Variants in ARHGAP8 observed in about 807,000 individuals in gnomAD.
ARHGAP8 encodes the protein Rho GTPase activating protein 8, also known as rho GTPase-activating protein 8.
Under a neutral mutation model 46.1 loss-of-function variants are expected in ARHGAP8, and 62 were observed. The ratio of observed to expected loss-of-function variants is 1.34; its 90% CI spans 1.10 to 1.66. The LOEUF (loss-of-function observed/expected upper bound fraction) is 1.66. Among genes scored for constraint, ARHGAP8 ranks in the 40% most tolerant of loss-of-function variants. ARHGAP8 has a pLI of 0.00. For synonymous variants in ARHGAP8, 375 were observed against 243.1 expected, an observed-to-expected ratio of 1.54 and a Z score of -5.05; for missense variants, 923 against 568.4, an observed-to-expected ratio of 1.62 and a Z score of -6.34.
intron 6 of ARHGAP8, among the ~76,000 whole-genome samples, chr22:44,823,332 G>A (rs115235197): frequency 0.023 from 3,490 of 152,256 alleles, 54 homozygotes; most frequent in South Asian, 0.033. Flanking sequence ...ACTTCTAGGA[G>A]GAGGTAGCTC....
intron 10 of ARHGAP8, 147 bp downstream of exon 10, chr22:44,849,207 G>T: frequency 1.4e-6 from 2 of 1,435,388 alleles, no homozygotes; most frequent in Non-Finnish European, 1.9e-6. Context: ...GGGCAAGAGA[G>T]GGGGTTGTTG....
intron 1 of ARHGAP8, among the ~76,000 whole-genome samples, chr22:44,771,407 C>G (rs986750641): frequency 1.3e-4 from 19 of 151,170 alleles, no homozygotes; most frequent in African/African-American, 3.6e-4. Context: ...CCACCACGCC[C>G]AGCTAATTTT....
At chr22:44,828,451 G>A (rs936582601) in intron 7 of ARHGAP8, among the ~76,000 whole-genome samples, 1 of 46,116 alleles carries the variant, frequency 2.2e-5, no homozygotes, top group Non-Finnish European at 4.7e-5. Flanking sequence ...TTTTTTTTTT[G>A]AGACAATTTT....
intron 5 of ARHGAP8, 74 bp from the exon 6 acceptor site, chr22:44,822,297 C>T: frequency 1.5e-6 from 2 of 1,316,402 alleles, no homozygotes; most frequent in Non-Finnish European, 2.1e-6. Context: ...GCCAACTCCC[C>T]CTCCCTCCCT....
chr22:44,757,536 C>A (rs900851740), intron 1 of ARHGAP8, among the ~76,000 whole-genome samples: 1 of 152,186 alleles, frequency 6.6e-6, no homozygotes, highest in Middle Eastern at 3.2e-3. Flanking sequence ...CTTGGCGTCC[C>A]AAAGTGCTGG....
At chr22:44,783,315 G>T (rs1035538477) in intron 1 of ARHGAP8, among the ~76,000 whole-genome samples, 2 of 151,944 alleles carry the variant, frequency 1.3e-5, no homozygotes, top group African/African-American at 4.8e-5. Context: ...CCCCGCAGCG[G>T]TCCATCCCCG....
chr22:44,859,202 G>A (rs150779523), intron 10 of ARHGAP8, among the ~76,000 whole-genome samples: 1 of 152,118 alleles, frequency 6.6e-6, no homozygotes, highest in South Asian at 2.1e-4. Flanking sequence ...GCTTGGATCT[G>A]AGTCCCCAGC....
In ARHGAP8 at chr22:44,846,715, C is replaced by T. The variant is rs116130378; in HGVS notation, c.671-1258C>T. ...TCTTCACGCCTCCCCATCATTCACT[C>T]ATTCACTTGGGAGGCATTCGCTACG... On this transcript the variant is annotated intron_variant, in intron 8 of 11. Coordinates refer to ENST00000356099, the MANE Select transcript of ARHGAP8 (RefSeq NM_181335.3). Among the ~76,000 whole-genome samples the T allele has an allele frequency of 3.6e-3, 552 of 152,306 alleles. 2 individuals are homozygous for T. Among genetic ancestry groups the T allele is most frequent in the African/African-American group, 0.013 (530 of 41,570 alleles).
chr22:44,776,612 A>G (rs995326397), intron 1 of ARHGAP8, among the ~76,000 whole-genome samples: 1 of 152,112 alleles, frequency 6.6e-6, no homozygotes, highest in Non-Finnish European at 1.5e-5. Flanking sequence ...CCTGGAGTTC[A>G]GATTTTTCAT....
intron 10 of ARHGAP8, among the ~76,000 whole-genome samples, chr22:44,851,244 T>C (rs905571535): frequency 2.0e-5 from 3 of 152,180 alleles, no homozygotes; most frequent in South Asian, 2.1e-4. Flanking sequence ...CAACCCTCTG[T>C]TGGGAAGGAA....
Position 44,822,438 on chromosome 22 carries a change from G to T in ARHGAP8, c.454G>T (p.Asp152Tyr), listed in dbSNP as rs115109750. The change falls in exon 6 of 12, where the codon GAC (aspartate) becomes TAC (tyrosine). Residue 152 changes from aspartate (D) to tyrosine (Y), a missense_variant. By Grantham distance (160) the Asp-to-Tyr change is radical. Coordinates refer to ENST00000356099, the MANE Select transcript of ARHGAP8 (RefSeq NM_181335.3). ...TGAGCTCCACGAACACCTTAAATACGACCAGCTGGTCATCCCTCCCGAAGT... is the reference window on the plus strand; with the variant it reads ...TGAGCTCCACGAACACCTTAAATACTACCAGCTGGTCATCCCTCCCGAAGT... ...LSELHEHLKY[D>Y]QLVIPPEVLR... 3.9e-5 allele frequency: 61 copies of T among 1,564,210 alleles called. No homozygotes were observed. In the African/African-American group the frequency reaches 7.7e-4, roughly 20 times the overall value.
At chr22:44,860,893 C>T (rs1011971945) in intron 11 of ARHGAP8, among the ~76,000 whole-genome samples, 18 of 152,168 alleles carry the variant, frequency 1.2e-4, no homozygotes, top group East Asian at 3.8e-4. Flanking sequence ...GCAGAGTAGG[C>T]GTCACATCCC....
chr22:44,778,038 A>ATTTC (rs1433054678), intron 1 of ARHGAP8, among the ~76,000 whole-genome samples: 1 of 147,888 alleles, frequency 6.8e-6, no homozygotes, highest in African/African-American at 2.6e-5. Context: ...TTATTTATTT[A>ATTTC]TTTATTTCCA....
intron 2 of ARHGAP8, among the ~76,000 whole-genome samples, chr22:44,796,776 C>T (rs1435141858): frequency 6.6e-6 from 1 of 152,188 alleles, no homozygotes; most frequent in African/African-American, 2.4e-5. Flanking sequence ...CGTAATAAAG[C>T]TGTGATTGTT....
rs1491478050 is a variant in ARHGAP8 at position 44,858,370 on chromosome 22, T to TTTTC, written c.878-1358_878-1357insCTTT. On this transcript the variant is annotated intron_variant, in intron 10 of 11. Transcript: ENST00000356099. ...GTGAATACTTGTTGGTTGGTGGTGG[T>TTTTC]TTTTTTTTTTTTTTGAGATGGAGTT... 8.9e-4 allele frequency among the ~76,000 whole-genome samples: 25 copies of TTTTC among 28,098 alleles called. 1 individual carries two copies. Among genetic ancestry groups the TTTTC allele is most frequent in the Non-Finnish European group, 8.7e-4 (11 of 12,694 alleles). The allele number at this position is 28,098 out of a possible 152,430, so 18.4% of individuals were successfully genotyped here.
At chr22:44,840,305 A>C (rs1472583417) in intron 7 of ARHGAP8, among the ~76,000 whole-genome samples, 1 of 151,942 alleles carries the variant, frequency 6.6e-6, no homozygotes, top group Non-Finnish European at 1.5e-5. Context: ...GCAGGGCTGC[A>C]TTTTTTCTGG....
chr22:44,756,087 CTG>C (rs1924648969), intron 1 of ARHGAP8, among the ~76,000 whole-genome samples: 1 of 111,498 alleles, frequency 9.0e-6, no homozygotes, highest in Non-Finnish European at 2.1e-5. Context: ...TCCTTCCACG[CTG>C]AAGGCCAAGG....
chr22:44,861,634 G>A (rs2070490549), intron 11 of ARHGAP8, among the ~76,000 whole-genome samples: 2 of 152,270 alleles, frequency 1.3e-5, no homozygotes, highest in East Asian at 1.9e-4. Flanking sequence ...GAATCTTGTA[G>A]GGAGGCAAGG....
chr22:44,860,299 C>G (rs3830108), intron 11 of ARHGAP8, among the ~76,000 whole-genome samples: 44,896 of 152,062 alleles, frequency 0.3, 6,755 homozygotes, highest in South Asian at 0.4. Context: ...TGTCACTCTT[C>G]TAGAGGCTAG....
Sources: gnomAD v4.1 joint callset for allele counts (sites outside exome capture counted in the v4.1 genomes callset) on GRCh38, gnomAD v4.1.1 for gene constraint, MANE v1.5 for transcripts, NCBI Gene and HGNC (gene_info 2026-07-23, HGNC 2026-07-21) for gene names.